Variants in APBA3 observed in about 807,000 individuals in gnomAD.
APBA3 encodes the protein amyloid beta precursor protein binding family A member 3, also known as amyloid-beta A4 precursor protein-binding family A member 3.
Under a neutral mutation model 55.9 loss-of-function variants are expected in APBA3, and 45 were observed. That is an observed-to-expected ratio of 0.80 (90% CI 0.63 to 1.03). The LOEUF is 1.03. APBA3 is among the 50% of genes least tolerant of loss of function. The pLI, the probability that APBA3 is intolerant of heterozygous loss-of-function variation, is 0.00. For synonymous variants in APBA3, 370 were observed against 353.3 expected (o/e 1.05, Z -0.53); for missense variants, 865 against 820.3 (o/e 1.05, Z -0.67).
In APBA3 at chr19:3,761,684, T is replaced by C. The variant is rs1170122809; in HGVS notation, c.-186A>G. 4 of 152,290 alleles carry C rather than the reference T, an allele frequency of 2.6e-5. No homozygotes were observed. Among genetic ancestry groups the C allele is most frequent in the African/African-American group, 7.2e-5 (3 of 41,470 alleles). 9.4% of individuals were successfully genotyped at this position (152,290 alleles called of 1,614,324 possible). On this transcript the variant is annotated 5_prime_UTR_variant, in exon 1 of 11. Transcript: ENST00000316757. ...CCGCTCCTCTATCCGCGCAGAGCCC[T>C]GGCCCATTGAGCATGCGCGGCCTCG...
At chr19:3,758,541 G>A (rs1015169876) in intron 3 of APBA3, among the ~76,000 whole-genome samples, 5 of 152,134 alleles carry the variant, frequency 3.3e-5, no homozygotes, top group African/African-American at 4.8e-5. Context: ...TTACACGTGT[G>A]AGCCACCATA....
rs200157213 is a variant in APBA3 at position 3,757,268 on chromosome 19, TG to T, written c.616+2292del. On this transcript the variant is annotated intron_variant, in intron 3 of 10. Coordinates refer to ENST00000316757, the MANE Select transcript of APBA3 (RefSeq NM_004886.4). ...CCCATGCCACGTGCCTGGCTAATTT[TG>T]GGGGGGGATTTTATTTTTGTGGAGA... Among the ~76,000 whole-genome samples the T allele has an allele frequency of 1.7e-3, 265 of 151,836 alleles. 5 individuals are homozygous for T. Among genetic ancestry groups the T allele is most frequent in the Admixed American group, 0.013 (200 of 15,220 alleles).
At position 3,753,626 on chromosome 19, in the gene APBA3, A is replaced by G. The variant is rs372274145; in HGVS notation, c.1011+139T>C. ...GCGCCACTGCACTCCAGCCTGGGTG[A>G]CAGAAGGAGACCTTGTCCCAAAAAA... is the stretch of plus-strand genomic sequence containing the variant. On this transcript the variant is annotated intron_variant, in intron 6 of 10. Coordinates refer to ENST00000316757, the MANE Select transcript of APBA3 (RefSeq NM_004886.4). The G allele has an allele frequency of 8.2e-5, 71 of 869,702 alleles. No homozygotes were observed. The African/African-American group carries it at 1.1e-3, about 13-fold the overall frequency. The allele number at this position is 869,702 out of a possible 1,614,324, so 53.9% of individuals were successfully genotyped here. A position where few individuals can be genotyped will look rare whatever the true frequency, so the allele number is the denominator to read the frequency against.
chr19:3,760,052 C>T lies in APBA3; in HGVS notation c.213G>A (p.Leu71=), dbSNP rs779274158. The part of the protein sequence containing the change: ...VQQFEALPGD[L]VGPSPGGAPC... ...GGGCTCCACCTGGGGATGGGCCCAC[C>T]AGATCGCCTGGCAGAGCTTCAAACT... Residue 71 remains leucine (L), a synonymous_variant, in exon 2 of 11, where the codon CTG becomes CTA. Transcript: ENST00000316757. 6.2e-7 allele frequency: 1 copy of T among 1,613,206 alleles called. No individual in the cohort carries two copies. The highest frequency in any genetic ancestry group is 1.7e-5 in the Admixed American group (1 of 60,020).
chr19:3,751,423 C>CG lies in APBA3; in HGVS notation c.1515+10dup. 5 of 1,525,360 alleles carry CG rather than the reference C, an allele frequency of 3.3e-6. No homozygotes were observed. Among genetic ancestry groups the CG allele is most frequent in the Non-Finnish European group, 4.4e-6 (5 of 1,140,642 alleles). 94.5% of individuals were successfully genotyped at this position (1,525,360 alleles called of 1,614,324 possible). On this transcript the variant is annotated intron_variant, in intron 9 of 10. Transcript: ENST00000316757. The stretch of plus-strand genomic sequence containing the variant: ...ACCCCCCCACCCCGGGGCCAGGGGC[C>CG]GGGGCCTCACGATGCCGTCCTCCAC...
chr19:3,760,087 G>T lies in APBA3; in HGVS notation c.178C>A (p.Leu60Met). 6.2e-7 allele frequency: 1 copy of T among 1,613,410 alleles called. No individual in the cohort carries two copies. Among genetic ancestry groups the T allele is most frequent in the South Asian group, 1.1e-5 (1 of 91,082 alleles). ...GGCAGAGCTTCAAACTGCTGCACCA[G>T]CTCCTGAAGGCTTGACTCATCAAGT... ...MELDESSLQE[L>M]VQQFEALPGD... The change falls in exon 2 of 11, where the codon CTG becomes ATG. Residue 60 changes from leucine (L) to methionine (M), a missense_variant. Transcript: ENST00000316757.
rs754812921 is a variant in APBA3 at position 3,752,681 on chromosome 19, C to A, written c.1222G>T (p.Ala408Ser). 2 of 1,593,436 alleles carry A rather than the reference C, an allele frequency of 1.3e-6. No individual in the cohort carries two copies. The highest frequency in any genetic ancestry group is 1.7e-6 in the Non-Finnish European group (2 of 1,175,176). The change falls in exon 8 of 11, where the codon GCC (alanine) becomes TCC (serine). Residue 408 changes from alanine (A) to serine (S), a missense_variant. Ala to Ser is a moderately conservative substitution (Grantham distance 99). Coordinates refer to ENST00000316757, the MANE Select transcript of APBA3 (RefSeq NM_004886.4). ...GAGCCCCAGCCCGACTCCACCAGGG[C>A]CACGCCCAGGCCCTCCCCTCGCCGC... ...EKRRGEGLGV[A>S]LVESGWGSLL... is the part of the protein sequence containing the mutation.
intron 3 of APBA3, among the ~76,000 whole-genome samples, chr19:3,758,661 C>G (rs1428319512): frequency 6.6e-6 from 1 of 152,098 alleles, no homozygotes; most frequent in Non-Finnish European, 1.5e-5. Flanking sequence ...GGGCGGATCA[C>G]AAGGTCAGGA....
rs1271027940 is a variant in APBA3 at position 3,758,676 on chromosome 19, A to G, written c.616+885T>C. On this transcript the variant is annotated intron_variant, in intron 3 of 10. Coordinates refer to ENST00000316757, the MANE Select transcript of APBA3 (RefSeq NM_004886.4). ...GGGCGGATCACAAGGTCAGGAGTTC[A>G]ACACCAGCCTGGCCAACACAGTGAA... Among the ~76,000 whole-genome samples, 9 of 152,062 alleles carry G rather than the reference A, an allele frequency of 5.9e-5. No homozygotes were observed. The South Asian group carries it at 6.2e-4, about 11-fold the overall frequency.
chr19:3,753,632 G>A (rs2037037610), intron 6 of APBA3, 133 bp downstream of exon 6: 4 of 937,570 alleles, frequency 4.3e-6, no homozygotes, highest in East Asian at 2.7e-5. Context: ...GGTGACAGAA[G>A]GAGACCTTGT....
At chr19:3,760,646 G>C (rs2037133554) in intron 1 of APBA3, among the ~76,000 whole-genome samples, 1 of 152,080 alleles carries the variant, frequency 6.6e-6, no homozygotes, top group African/African-American at 2.4e-5. Flanking sequence ...CTACGCAAGA[G>C]GCTGAGGCAG....
In APBA3 at chr19:3,752,857, T is replaced by C; in HGVS notation, c.1145A>G (p.Asp382Gly). ...GTCACTGTTGGAGAAGTGGTCCAGG[T>C]CCCCATTATGGAGGTGGCAGGCGCC... ...SPGACHLHNG[D>G]LDHFSNSDNC... is the part of the protein sequence containing the mutation. The change falls in exon 7 of 11, where the codon GAC becomes GGC. Residue 382 changes from aspartate (D) to glycine (G), a missense_variant. Asp to Gly is a moderately conservative substitution (Grantham distance 94). Coordinates refer to ENST00000316757, the MANE Select transcript of APBA3 (RefSeq NM_004886.4). 4 of 1,613,304 alleles carry C rather than the reference T, an allele frequency of 2.5e-6. No individual in the cohort carries two copies. Among genetic ancestry groups the C allele is most frequent in the Non-Finnish European group, 3.4e-6 (4 of 1,179,856 alleles).
rs145676775 is a variant in APBA3 at position 3,759,701 on chromosome 19, G to A, written c.564C>T (p.Pro188=). The part of the protein sequence containing the change: ...TVPLVTPEEP[P]AGAQSPETLA... ...GGGCGGGCACTACCTGGGCACCAGC[G>A]GGTGGCTCTTCAGGTGTGACTAGAG... The change falls in exon 2 of 11, where the codon CCC becomes CCT. Residue 188 remains proline, a synonymous_variant. Transcript: ENST00000316757. 5.0e-4 allele frequency: 805 copies of A among 1,612,136 alleles called. 3 individuals carry two copies. The African/African-American group carries it at 8.5e-3, about 17-fold the overall frequency.
In APBA3 at chr19:3,752,591, G is replaced by A. The variant is rs993390811; in HGVS notation, c.1312C>T (p.Leu438Phe). 1.3e-5 allele frequency: 21 copies of A among 1,586,462 alleles called. No individual in the cohort carries two copies. Among genetic ancestry groups the A allele is most frequent in the Non-Finnish European group, 1.7e-5 (20 of 1,171,488 alleles). The change falls in exon 8 of 11, where the codon CTC becomes TTC. Residue 438 changes from leucine (L) to phenylalanine (F), a missense_variant. Coordinates refer to ENST00000316757, the MANE Select transcript of APBA3 (RefSeq NM_004886.4). ...GCGGTCAGGCGGTCCCCGATGCTGAGGGCCCCCGAGCGCTCAGCAGGCCCC... is the reference window on the plus strand; with the variant it reads ...GCGGTCAGGCGGTCCCCGATGCTGAAGGCCCCCGAGCGCTCAGCAGGCCCC... ...HGGPAERSGA[L>F]SIGDRLTAIN...
At chr19:3,758,907 T>A (rs1415086490) in intron 3 of APBA3, among the ~76,000 whole-genome samples, 3 of 150,898 alleles carry the variant, frequency 2.0e-5, no homozygotes, top group African/African-American at 4.9e-5. Flanking sequence ...CTTCTTTCAA[T>A]GAAAAAAAAA....
chr19:3,759,593 T>C lies in APBA3; in HGVS notation c.584A>G (p.Glu195Gly). Residue 195 changes from glutamate to glycine, a missense_variant, in exon 3 of 11, where the codon GAG (glutamate) becomes GGG (glycine). Glu to Gly is a moderately conservative substitution (Grantham distance 98, BLOSUM62 -2). Coordinates refer to ENST00000316757, the MANE Select transcript of APBA3 (RefSeq NM_004886.4). ...EEPPAGAQSP[E>G]TLASYPAPQE... ...GGGGGCAGGGTAGGAAGCCAGGGTC[T>C]CGGGGCTCTGGAAGAAGATAGAGGA... 6.2e-7 allele frequency: 1 copy of C among 1,600,240 alleles called. No homozygotes were observed. The highest frequency in any genetic ancestry group is 2.2e-5 in the East Asian group (1 of 44,570).
chr19:3,759,873 G>A lies in APBA3; in HGVS notation c.392C>T (p.Pro131Leu). The A allele has an allele frequency of 1.2e-6, 2 of 1,612,518 alleles. No individual in the cohort carries two copies. The highest frequency in any genetic ancestry group is 3.3e-4 in the Middle Eastern group (2 of 6,058). ...CPPSQTGPEE[P>L]LEPAPRLLQP... ...CAACAGTCGGGGGGCAGGCTCTAGA[G>A]GCTCTTCAGGACCAGTCTGGGAAGG... Residue 131 changes from proline (P) to leucine (L), a missense_variant, in exon 2 of 11, where the codon CCT becomes CTT. Coordinates refer to ENST00000316757, the MANE Select transcript of APBA3 (RefSeq NM_004886.4).
rs761727298 is a variant in APBA3 at position 3,751,439 on chromosome 19, C to T, written c.1510G>A (p.Gly504Ser). The T allele has an allele frequency of 2.2e-5, 34 of 1,533,752 alleles. No homozygotes were observed. In the African/African-American group the frequency reaches 2.8e-4, roughly 12 times the overall value. Residue 504 changes from glycine (G) to serine (S), a missense_variant, in exon 9 of 11, where the codon GGC becomes AGC. Transcript: ENST00000316757. ...REQLGFCVEDGIICSLLRGGI... is the reference protein window; with the variant it reads ...REQLGFCVEDSIICSLLRGGI... ...GCCAGGGGCCGGGGCCTCACGATGCCGTCCTCCACGCAGAAGCCCAGCTGC... is the reference window on the plus strand; with the variant it reads ...GCCAGGGGCCGGGGCCTCACGATGCTGTCCTCCACGCAGAAGCCCAGCTGC...
intron 7 of APBA3, 38 bp from the exon 8 acceptor site, chr19:3,752,758 G>A (rs372896388): frequency 1.9e-5 from 31 of 1,608,188 alleles, no homozygotes; most frequent in Non-Finnish European, 2.5e-5. Flanking sequence ...GCTCAGCAGG[G>A]CCCGGTGCAG....
Sources: gnomAD v4.1 joint callset for allele counts (sites outside exome capture counted in the v4.1 genomes callset) on GRCh38, gnomAD v4.1.1 for gene constraint, MANE v1.5 for transcripts, NCBI Gene and HGNC (gene_info 2026-07-23, HGNC 2026-07-21) for gene names.